The following NDE1 variants were observed in gnomAD, a reference collection of about 807,000 sequenced individuals.
NDE1 encodes the protein nudE neurodevelopment protein 1, also known as nuclear distribution protein nudE homolog 1.
Under a neutral mutation model 43.4 loss-of-function variants are expected in NDE1, and 28 were observed. The ratio of observed to expected loss-of-function variants is 0.65; its 90% confidence interval spans 0.48 to 0.89. NDE1 has a LOEUF of 0.89. Among genes scored for constraint, NDE1 ranks in the 40% least tolerant of loss-of-function variants. NDE1 has a pLI of 0.00. For missense variants in NDE1, 441 were observed against 434.1 expected (o/e 1.02, Z -0.14); for synonymous variants, 184 against 172.0 (o/e 1.07, Z -0.55).
At chr16:15,717,401 G>C in intron 8 of NDE1, 4 of 1,578,014 alleles carry the variant, frequency 2.5e-6, no homozygotes, top group Non-Finnish European at 3.4e-6. Flanking sequence ...CCAAGAGAGC[G>C]CACTGAGACC....
chr16:15,705,523 A>T (rs550163224), intron 8 of NDE1, among the ~76,000 whole-genome samples: 1 of 152,310 alleles, frequency 6.6e-6, no homozygotes, highest in East Asian at 1.9e-4. Flanking sequence ...CAACCGCAAC[A>T]AATAATTATG....
intron 8 of NDE1, chr16:15,718,184 C>T (rs1000359842): frequency 2.4e-5 from 34 of 1,443,068 alleles, no homozygotes; most frequent in Non-Finnish European, 3.0e-5. Flanking sequence ...TACTCTCAGG[C>T]CCCACCACCC....
At chr16:15,663,325 C>T (rs1308766121) in intron 1 of NDE1, among the ~76,000 whole-genome samples, 1 of 151,796 alleles carries the variant, frequency 6.6e-6, no homozygotes, top group East Asian at 1.9e-4. Flanking sequence ...CTGCAACTTC[C>T]ACCTCCCAGG....
At position 15,687,358 on chromosome 16, in the gene NDE1, G is replaced by C; in HGVS notation, c.387-17G>C. 1.2e-6 allele frequency: 2 copies of C among 1,614,078 alleles called. No individual in the cohort carries two copies. The highest frequency in any genetic ancestry group is 1.7e-6 in the Non-Finnish European group (2 of 1,179,976). ...GCGGTTTGTCCTCTTGGATAACTCT[G>C]CTTTTCTCTTCGCCAGCGCCACGAT... is the stretch of plus-strand genomic sequence containing the variant. On this transcript the variant is annotated splice_polypyrimidine_tract_variant and intron_variant, in intron 4 of 8. Transcript: ENST00000396354.
At position 15,726,093 on chromosome 16, in the gene NDE1, A is replaced by G. The variant is rs1230417638; in HGVS notation, c.*1842A>G. 4.6e-5 allele frequency: 8 copies of G among 175,580 alleles called. No individual in the cohort carries two copies. The East Asian group carries it at 1.2e-3, about 26-fold the overall frequency. The allele number at this position is 175,580 out of a possible 1,614,324, so 10.9% of individuals were successfully genotyped here. On this transcript the variant is annotated 3_prime_UTR_variant, in exon 9 of 9. Coordinates refer to ENST00000396354, the MANE Select transcript of NDE1 (RefSeq NM_017668.3). ...TAGACTTATCCATGCTCCTTAGGGA[A>G]GCCTTTCGTGGCTCCTCCTCCCCCA... is the stretch of plus-strand genomic sequence containing the variant.
At chr16:15,677,616 C>T (rs1388950660) in intron 3 of NDE1, among the ~76,000 whole-genome samples, 185 bp from the exon 4 acceptor site, 3 of 151,336 alleles carry the variant, frequency 2.0e-5, no homozygotes, top group Non-Finnish European at 4.4e-5. Context: ...CGGAGTCTTG[C>T]TGTGTTGCCC....
chr16:15,714,918 C>G, intron 8 of NDE1: 2 of 1,613,944 alleles, frequency 1.2e-6, no homozygotes, highest in South Asian at 2.2e-5. Flanking sequence ...CCTGAGCTTG[C>G]TCTTGAGTGC....
intron 1 of NDE1, among the ~76,000 whole-genome samples, chr16:15,662,986 C>T (rs2037123166): frequency 6.6e-6 from 1 of 152,096 alleles, no homozygotes; most frequent in African/African-American, 2.4e-5. Context: ...GCAGGAGAGC[C>T]CATCATATCA....
At chr16:15,720,787 A>C in intron 8 of NDE1, 4 of 1,568,318 alleles carry the variant, frequency 2.6e-6, no homozygotes, top group Non-Finnish European at 3.5e-6. Context: ...TGGTGATAGG[A>C]ATGAAAAAGG....
Position 15,703,984 on chromosome 16 carries a change from A to AT in NDE1, c.947+7124_947+7125insT, listed in dbSNP as rs1367486637. On this transcript the variant is annotated intron_variant, in intron 8 of 8. Transcript: ENST00000396354. ...TCTTGCCGTGGTGCAAAACTGTAGA[A>AT]AGTTGCTTATTCACTGGCCTTGGTT... 3.1e-6 allele frequency: 5 copies of AT among 1,613,796 alleles called. 1 individual carries two copies. The highest frequency in any genetic ancestry group is 8.5e-7 in the Non-Finnish European group (1 of 1,179,942).
Position 15,699,797 on chromosome 16 carries a change from AG to A in NDE1, c.947+2942del, listed in dbSNP as rs746180117. 3.0e-6 allele frequency: 4 copies of A among 1,351,332 alleles called. No homozygotes were observed. In the African/African-American group the frequency reaches 4.4e-5, roughly 15 times the overall value. The allele number at this position is 1,351,332 out of a possible 1,614,324, so 83.7% of individuals were successfully genotyped here. A position where few individuals can be genotyped will look rare whatever the true frequency, so the allele number is the denominator to read the frequency against. ...TCTTCATCGCCGCTGCCGTCAGCCC[AG>A]GGGGTAGTCAAGATGTTGCTTTAGG... On this transcript the variant is annotated intron_variant, in intron 8 of 8. Coordinates refer to ENST00000396354, the MANE Select transcript of NDE1 (RefSeq NM_017668.3).
chr16:15,696,618 A>C (rs2039025755), intron 7 of NDE1, 91 bp from the exon 8 acceptor site: 5 of 1,606,092 alleles, frequency 3.1e-6, no homozygotes, highest in Non-Finnish European at 4.2e-6. Context: ...TTTGAGAACC[A>C]CTGTCTGGGG....
chr16:15,668,166 A>G (rs570497802), intron 3 of NDE1, among the ~76,000 whole-genome samples: 1 of 152,168 alleles, frequency 6.6e-6, no homozygotes, highest in Non-Finnish European at 1.5e-5. Context: ...GATTGAGACC[A>G]TCCTGGCCAA....
chr16:15,714,811 T>C (rs1567683027), intron 8 of NDE1: 2 of 1,441,408 alleles, frequency 1.4e-6, no homozygotes, highest in African/African-American at 2.8e-5. Flanking sequence ...GTGGCGGCTG[T>C]GGGCACAAGG....
intron 1 of NDE1, among the ~76,000 whole-genome samples, chr16:15,657,288 G>A (rs1190430368): frequency 1.3e-5 from 2 of 151,994 alleles, no homozygotes; most frequent in Non-Finnish European, 2.9e-5. Flanking sequence ...TAGTGGAAAT[G>A]GAGTTTCACC....
In NDE1 at chr16:15,724,381, TC is replaced by T; in HGVS notation, c.*132del. The T allele has an allele frequency of 6.2e-7, 1 of 1,614,058 alleles. No homozygotes were observed. Among genetic ancestry groups the T allele is most frequent in the Non-Finnish European group, 8.5e-7 (1 of 1,180,026 alleles). ...CAGAGCTTCCACGGTGCTGGCAAAGTCCTGCAGCTTCTTCTTCGAGTCGGAG... is the reference window on the plus strand; with the variant it reads ...CAGAGCTTCCACGGTGCTGGCAAAGTCTGCAGCTTCTTCTTCGAGTCGGAG... On this transcript the variant is annotated 3_prime_UTR_variant, in exon 9 of 9. Transcript: ENST00000396354.
intron 8 of NDE1, among the ~76,000 whole-genome samples, chr16:15,716,578 G>C (rs1335330779): frequency 6.6e-6 from 1 of 152,158 alleles, no homozygotes; most frequent in Non-Finnish European, 1.5e-5. Flanking sequence ...CTGCAGTGCA[G>C]TGGCACAATC....
chr16:15,660,186 T>A (rs988858045), intron 1 of NDE1, among the ~76,000 whole-genome samples: 6 of 152,042 alleles, frequency 3.9e-5, no homozygotes, highest in Admixed American at 3.3e-4. Context: ...TTAATAGAAG[T>A]CTGCTTTCTT....
intron 4 of NDE1, among the ~76,000 whole-genome samples, chr16:15,680,259 G>A (rs148875155): frequency 3.4e-4 from 52 of 152,150 alleles, no homozygotes; most frequent in Non-Finnish European, 6.6e-4. Flanking sequence ...TTTGGGGGAG[G>A]CCAGAGATGT....
Sources: allele counts gnomAD v4.1 joint callset (sites outside exome capture counted in the v4.1 genomes callset), GRCh38; gene constraint gnomAD v4.1.1; transcripts MANE v1.5; gene names NCBI Gene and HGNC (gene_info 2026-07-23, HGNC 2026-07-21).